CAMSAP2: variants seen among roughly 807,000 people sequenced by gnomAD.
The protein encoded by CAMSAP2 is calmodulin-regulated spectrin-associated protein 2.
In CAMSAP2, 26 loss-of-function variants were observed where a neutral mutation model predicts 146.1. That is an observed-to-expected ratio of 0.18 (90% confidence interval 0.13 to 0.25). The LOEUF is 0.25. Among genes scored for constraint, CAMSAP2 ranks in the 10% least tolerant of loss-of-function variants. The probability of loss-of-function intolerance (pLI) is 1.00; values close to 1 mark genes in which losing one functional copy is unlikely to be tolerated. For synonymous variants in CAMSAP2, 499 were observed against 596.6 expected (o/e 0.84, Z 2.38); for missense variants, 1,381 against 1,759.3 (o/e 0.78, Z 3.85).
Position 200,850,109 on chromosome 1 carries a change from G to C in CAMSAP2, c.3340G>C (p.Glu1114Gln). ...PTAPKNVNLI[E>Q]VSLSDLKPPE... is the part of the protein sequence containing the mutation. ...TGCTCCAAAAAATGTTAATCTGATT[G>C]AAGTTTCCCTCTCAGATTTGAAACC... The change falls in exon 11 of 17, where the codon GAA (glutamate) becomes CAA (glutamine). Residue 1114 changes from glutamate to glutamine, a missense_variant. Physicochemically the swap from Glu to Gln is conservative, Grantham distance 29. This residue lies in a region of CAMSAP2 where 560 missense variants were observed against 715.9 expected (regional missense o/e 0.78). Coordinates refer to ENST00000358823, the MANE Select transcript of CAMSAP2 (RefSeq NM_203459.4). The C allele has an allele frequency of 6.2e-7, 1 of 1,614,036 alleles. No homozygotes were observed. Among genetic ancestry groups the C allele is most frequent in the Non-Finnish European group, 8.5e-7 (1 of 1,179,988 alleles).
In CAMSAP2 at chr1:200,857,261, C is replaced by T; in HGVS notation, c.4013-45C>T. ...CATTTTAAAATAGTAGTATTTCTGA[C>T]TTAGGAATGTTATTTTTATTATTGT... On this transcript the variant is annotated intron_variant, in intron 15 of 16. Transcript: ENST00000358823. The surrounding 1 kb of genome is among the most constrained non-coding windows in gnomAD (Gnocchi z 4.7). 8.1e-7 allele frequency: 1 copy of T among 1,234,772 alleles called. No individual in the cohort carries two copies. The highest frequency in any genetic ancestry group is 1.5e-5 in the African/African-American group (1 of 66,780). 76.5% of individuals were successfully genotyped at this position (1,234,772 alleles called of 1,614,324 possible).
At chr1:200,777,734 G>A (rs929158701) in intron 2 of CAMSAP2, among the ~76,000 whole-genome samples, 1 of 152,084 alleles carries the variant, frequency 6.6e-6, no homozygotes, top group Non-Finnish European at 1.5e-5. Context: ...TATGCTATAT[G>A]TGCATATATT....
intron 2 of CAMSAP2, among the ~76,000 whole-genome samples, chr1:200,771,416 ATGT>A (rs1202563449): frequency 6.6e-6 from 1 of 152,184 alleles, no homozygotes; most frequent in African/African-American, 2.4e-5. Context: ...GTTTAATATA[ATGT>A]TGATTATATT....
intron 11 of CAMSAP2, among the ~76,000 whole-genome samples, chr1:200,851,897 G>C (rs2102259811): frequency 6.6e-6 from 1 of 152,330 alleles, no homozygotes; most frequent in East Asian, 1.9e-4. Flanking sequence ...AGCCCGCTGA[G>C]AACTAGGGCT....
At chr1:200,756,289 C>T (rs1383426468) in intron 1 of CAMSAP2, among the ~76,000 whole-genome samples, 5 of 151,734 alleles carry the variant, frequency 3.3e-5, no homozygotes, top group African/African-American at 9.7e-5. Flanking sequence ...CCCATCTCTA[C>T]GAAAAATACA....
chr1:200,817,203 T>A (rs192318870), intron 4 of CAMSAP2, among the ~76,000 whole-genome samples: 38 of 99,756 alleles, frequency 3.8e-4, no homozygotes, highest in African/African-American at 1.6e-3. Context: ...TGTGTGTGTA[T>A]ACACACATAC....
At chr1:200,783,627 C>T (rs772188662) in intron 2 of CAMSAP2, among the ~76,000 whole-genome samples, 125 of 152,094 alleles carry the variant, frequency 8.2e-4, no homozygotes, top group Non-Finnish European at 1.3e-3. Context: ...GGACTATAGG[C>T]GATTGCCACC....
At chr1:200,752,718 C>T (rs981866345) in intron 1 of CAMSAP2, among the ~76,000 whole-genome samples, 1 of 151,660 alleles carries the variant, frequency 6.6e-6, no homozygotes, top group Non-Finnish European at 1.5e-5. Flanking sequence ...CCCAGGTTCA[C>T]ACATTCTCCT....
intron 1 of CAMSAP2, among the ~76,000 whole-genome samples, chr1:200,755,488 C>T (rs985797237): frequency 3.9e-5 from 6 of 152,156 alleles, no homozygotes; most frequent in African/African-American, 7.2e-5. Flanking sequence ...GCTGAGTAGG[C>T]TGATGGCTTA....
At chr1:200,847,832 G>C in intron 10 of CAMSAP2, 123 bp downstream of exon 10, 1 of 935,998 alleles carries the variant, frequency 1.1e-6, no homozygotes, top group Admixed American at 2.5e-5. Context: ...ATTTGAAAAA[G>C]GCAGTATAGG....
At chr1:200,823,509 G>A (rs1335172965) in intron 4 of CAMSAP2, among the ~76,000 whole-genome samples, 1 of 152,100 alleles carries the variant, frequency 6.6e-6, no homozygotes, top group African/African-American at 2.4e-5. Context: ...TATTTGTCAG[G>A]TGTTTTGTAG....
rs72746872 is a variant in CAMSAP2, at chr1:200,853,003, A to G, written c.3603-272A>G. Among the ~76,000 whole-genome samples the G allele has an allele frequency of 6.9e-3, 290 of 41,940 alleles. 5 individuals carry two copies. The highest frequency in any genetic ancestry group is 0.05 in the Admixed American group (185 of 3,724). 27.5% of individuals were successfully genotyped at this position (41,940 alleles called of 152,430 possible). A position where few individuals can be genotyped will look rare whatever the true frequency, so the allele number is the denominator to read the frequency against. ...TTAAAATAACTTTCCTGGGAGATAC[A>G]CACACACACACACACACACACACAC... On this transcript the variant is annotated intron_variant, in intron 12 of 16. Transcript: ENST00000358823. The surrounding 1 kb of genome is among the most constrained non-coding windows in gnomAD (Gnocchi z 5.1).
intron 2 of CAMSAP2, among the ~76,000 whole-genome samples, chr1:200,778,035 C>T (rs541735585): frequency 1.7e-4 from 26 of 152,094 alleles, no homozygotes; most frequent in African/African-American, 5.6e-4. Flanking sequence ...CTCAGGAGTT[C>T]GAGACCAGCC....
chr1:200,807,984 T>C (rs1477103113), intron 3 of CAMSAP2, among the ~76,000 whole-genome samples: 3 of 152,056 alleles, frequency 2.0e-5, no homozygotes, highest in African/African-American at 7.2e-5. Flanking sequence ...CACGGTGATC[T>C]ACCCACCTTG....
chr1:200,814,234 C>A (rs1459715362), intron 3 of CAMSAP2, among the ~76,000 whole-genome samples: 1 of 151,764 alleles, frequency 6.6e-6, no homozygotes, highest in Non-Finnish European at 1.5e-5. Context: ...TTCCCCTCCC[C>A]GAATTGGTAA....
At chr1:200,833,297 G>A (rs978736066) in intron 6 of CAMSAP2, among the ~76,000 whole-genome samples, 8 of 151,010 alleles carry the variant, frequency 5.3e-5, no homozygotes, top group East Asian at 3.9e-4. Context: ...GTAGTGACTC[G>A]TGCCTGTAAT....
intron 6 of CAMSAP2, among the ~76,000 whole-genome samples, chr1:200,840,373 T>A (rs115329463): frequency 2.8e-3 from 427 of 152,130 alleles, no homozygotes; most frequent in African/African-American, 9.5e-3. Flanking sequence ...GGGCTCAAGC[T>A]GTATTCCTGC....
At chr1:200,825,832 T>A (rs943718863) in intron 4 of CAMSAP2, among the ~76,000 whole-genome samples, 2 of 152,192 alleles carry the variant, frequency 1.3e-5, no homozygotes, top group African/African-American at 4.8e-5. Flanking sequence ...AGCAGCATAG[T>A]GCTGCCTTGT....
At chr1:200,855,323 AT>A (rs1667722899) in intron 14 of CAMSAP2, among the ~76,000 whole-genome samples, 1 of 151,996 alleles carries the variant, frequency 6.6e-6, no homozygotes, top group Admixed American at 6.6e-5. Context: ...TCTCTTTTGT[AT>A]TTTCTTTCTC....
Sources: allele counts gnomAD v4.1 joint callset (sites outside exome capture counted in the v4.1 genomes callset), GRCh38; gene constraint gnomAD v4.1.1; regional missense constraint gnomAD v4.1.1; non-coding constraint Gnocchi (gnomAD v3.1); transcripts MANE v1.5; gene names NCBI Gene and HGNC (gene_info 2026-07-23, HGNC 2026-07-21).